The following PCYT1B variants were observed in gnomAD, a reference collection of about 807,000 sequenced individuals.
PCYT1B encodes the protein phosphate cytidylyltransferase 1B, choline.
PCYT1B carries 10 observed loss-of-function variants against 26.4 expected under a neutral mutation model. The observed-to-expected ratio is 0.38, with a 90% CI of 0.23 to 0.64. The LOEUF (loss-of-function observed/expected upper bound fraction) is 0.64, where lower values mean the gene tolerates loss of function less well. Ranked by LOEUF, PCYT1B falls within the 30% of genes least tolerant of loss-of-function variation. The pLI is 0.56. For missense variants in PCYT1B, 161 were observed against 292.7 expected (o/e 0.55, Z 3.28); for synonymous variants, 131 against 108.4 (o/e 1.21, Z -1.29).
At chrX:24,618,228 A>G (rs1696216390) in intron 2 of PCYT1B, among the ~76,000 whole-genome samples, 2 of 112,383 alleles carry the variant, frequency 1.8e-5, no homozygotes, top group African/African-American at 3.2e-5. Context: ...AAGGCACACT[A>G]GAAACTTTTT....
chrX:24,609,872 C>A (rs188215228), intron 2 of PCYT1B, among the ~76,000 whole-genome samples: 79 of 111,240 alleles, frequency 7.1e-4, no homozygotes, highest in Non-Finnish European at 1.3e-3. Flanking sequence ...AGGGGTGGAT[C>A]ACTTGAGGTC....
intron 1 of PCYT1B, among the ~76,000 whole-genome samples, chrX:24,631,930 C>CAA (rs34733241): frequency 7.6e-4 from 74 of 97,540 alleles, no homozygotes; most frequent in East Asian, 4.6e-3. Context: ...AAGACTGTCT[C>CAA]AAAAAAAAAA....
rs1254986704 is a variant in PCYT1B at position 24,581,571 on chromosome X, T to C, written c.566-2113A>G. Among the ~76,000 whole-genome samples the C allele has an allele frequency of 5.3e-5, 6 of 112,289 alleles. No homozygotes were observed. In the East Asian group the frequency reaches 1.7e-3, roughly 31 times the overall value. Reference sequence around the variant, plus strand: ...TCAGACTAGGTCTTCTGGTGTGTTGTTCCTTCCCATGGACCACTCCCCTTC... The same window carrying C: ...TCAGACTAGGTCTTCTGGTGTGTTGCTCCTTCCCATGGACCACTCCCCTTC... On this transcript the variant is annotated intron_variant, in intron 5 of 7. Transcript: ENST00000379144.
chrX:24,669,332 C>A (rs772596772), intron 1 of PCYT1B, among the ~76,000 whole-genome samples: 7 of 109,079 alleles, frequency 6.4e-5, no homozygotes, highest in Non-Finnish European at 1.3e-4. Context: ...GCCTGACCAA[C>A]ATGGCGAAAC....
intron 2 of PCYT1B, among the ~76,000 whole-genome samples, chrX:24,613,950 C>CAAAAAAAAA (rs200062439): frequency 7.0e-4 from 54 of 77,185 alleles, no homozygotes; most frequent in Non-Finnish European, 1.0e-3. Context: ...AACAACCTGT[C>CAAAAAAAAA]AAAAAAAAAA....
intron 7 of PCYT1B, among the ~76,000 whole-genome samples, chrX:24,569,659 C>T (rs1382371889): frequency 2.7e-5 from 3 of 112,172 alleles, no homozygotes; most frequent in Non-Finnish European, 5.6e-5. Context: ...CACAAAAGGA[C>T]AAATGCTGTA....
intron 1 of PCYT1B, among the ~76,000 whole-genome samples, chrX:24,637,407 C>T (rs113479072): frequency 6.6e-4 from 65 of 99,194 alleles, no homozygotes; most frequent in African/African-American, 2.3e-3. Context: ...TTTGGGAGGC[C>T]GAGGCGGGAG....
chrX:24,648,370 G>A (rs1268088408), upstream of PCYT1B, among the ~76,000 whole-genome samples: 1 of 107,611 alleles, frequency 9.3e-6, no homozygotes, highest in Non-Finnish European at 1.9e-5. Flanking sequence ...ACCCAAAGAG[G>A]TAGATCCTAT....
At chrX:24,566,276 A>G (rs774479679) in intron 7 of PCYT1B, among the ~76,000 whole-genome samples, 1 of 112,336 alleles carries the variant, frequency 8.9e-6, no homozygotes, top group South Asian at 3.7e-4. Flanking sequence ...AACACTGCAA[A>G]TTCTCTAACT....
At position 24,619,088 on chromosome X, in the gene PCYT1B, G is replaced by A. The variant is rs763078206; in HGVS notation, c.118-4C>T. 1 of 1,164,034 alleles carries A rather than the reference G, an allele frequency of 8.6e-7. No homozygotes were observed. The highest frequency in any genetic ancestry group is 2.2e-5 in the Admixed American group (1 of 45,467). Reference sequence around the variant, plus strand: ...ATGGGGCAGGTGCAGTCAGGGTCTAGAAGGGAGAAAAAGAAAGGGAATACA... The same window carrying A: ...ATGGGGCAGGTGCAGTCAGGGTCTAAAAGGGAGAAAAAGAAAGGGAATACA... On this transcript the variant is annotated splice_region_variant and splice_polypyrimidine_tract_variant and intron_variant, in intron 1 of 7. Transcript: ENST00000379144.
intron 3 of PCYT1B, among the ~76,000 whole-genome samples, chrX:24,592,177 T>C (rs769929419): frequency 8.9e-6 from 1 of 112,209 alleles, no homozygotes; most frequent in South Asian, 3.7e-4. Context: ...TGAAAAAGAA[T>C]GAAATCCTGT....
intron 1 of PCYT1B, among the ~76,000 whole-genome samples, chrX:24,663,631 C>G (rs1237350999): frequency 3.6e-5 from 4 of 111,930 alleles, no homozygotes; most frequent in Non-Finnish European, 7.5e-5. Flanking sequence ...AAACAGCAAA[C>G]TGGCCAGGCG....
chrX:24,558,870 G>C lies in PCYT1B; in HGVS notation c.*3423C>G, dbSNP rs1313083615. The C allele has an allele frequency of 9.1e-6, 1 of 109,829 alleles. No individual in the cohort carries two copies. The allele number at this position is 109,829 out of a possible 1,213,427, so 9.1% of individuals were successfully genotyped here. A position where few individuals can be genotyped will look rare whatever the true frequency, so the allele number is the denominator to read the frequency against. ...TGGAGGGGTGACCAGTTCATTTTAGGGTCCCCATAAGCAGCTAATATAGAA... is the reference window on the plus strand; with the variant it reads ...TGGAGGGGTGACCAGTTCATTTTAGCGTCCCCATAAGCAGCTAATATAGAA... On this transcript the variant is annotated 3_prime_UTR_variant, in exon 8 of 8. Transcript: ENST00000379144.
chrX:24,566,638 C>T (rs1461396453), intron 7 of PCYT1B, among the ~76,000 whole-genome samples: 1 of 111,064 alleles, frequency 9.0e-6, no homozygotes, highest in Admixed American at 9.7e-5. Flanking sequence ...CTCATGTAAC[C>T]CATGCAAGGA....
At chrX:24,618,606 G>T (rs745973735) in intron 2 of PCYT1B, among the ~76,000 whole-genome samples, 2 of 84,269 alleles carry the variant, frequency 2.4e-5, no homozygotes, top group African/African-American at 4.5e-5. Context: ...CACAAATAAT[G>T]ATGGGCCTTT....
chrX:24,607,617 A>G, intron 3 of PCYT1B, 128 bp downstream of exon 3: 1 of 448,134 alleles, frequency 2.2e-6, no homozygotes, highest in Admixed American at 4.1e-5. Context: ...TGAACAAGCG[A>G]GCCAGTATGG....
chrX:24,586,396 C>T (rs1163741577), intron 5 of PCYT1B, among the ~76,000 whole-genome samples: 1 of 112,428 alleles, frequency 8.9e-6, no homozygotes, highest in Non-Finnish European at 1.9e-5. Context: ...CCCATCCTAC[C>T]TCAAGAATCT....
chrX:24,644,460 A>ACACG (rs1272375093), intron 1 of PCYT1B, among the ~76,000 whole-genome samples: 1 of 108,684 alleles, frequency 9.2e-6, no homozygotes, highest in African/African-American at 3.4e-5. Context: ...ACACACACAC[A>ACACG]CACACACACA....
chrX:24,596,178 A>G (rs926562244), intron 3 of PCYT1B, among the ~76,000 whole-genome samples: 6 of 112,408 alleles, frequency 5.3e-5, no homozygotes, highest in African/African-American at 1.6e-4. Context: ...GTAAATTAAA[A>G]TGAAGGAAAA....
Sources: gnomAD v4.1 joint callset for allele counts (sites outside exome capture counted in the v4.1 genomes callset) on GRCh38, gnomAD v4.1.1 for gene constraint, MANE v1.5 for transcripts, NCBI Gene and HGNC (gene_info 2026-07-23, HGNC 2026-07-21) for gene names.